The following PICALM variants were observed in gnomAD, a reference collection of about 807,000 sequenced individuals.
The protein encoded by PICALM is phosphatidylinositol binding clathrin assembly protein.
In PICALM, 40 loss-of-function variants were observed where a neutral mutation model predicts 80.5. The observed-to-expected ratio is 0.50, with a 90% CI of 0.39 to 0.65. PICALM has a LOEUF of 0.65. Ranked by LOEUF, PICALM falls within the 30% of genes least tolerant of loss-of-function variation. The probability of loss-of-function intolerance (pLI) is 0.00; values close to 1 mark genes in which losing one functional copy is unlikely to be tolerated. For synonymous variants in PICALM, 288 were observed against 260.3 expected, an observed-to-expected ratio of 1.11 and a Z score of -1.02; for missense variants, 676 against 778.9, an observed-to-expected ratio of 0.87 and a Z score of 1.57.
Position 85,983,909 on chromosome 11 carries a change from A to G in PICALM, c.1473T>C (p.Ser491=). The change falls in exon 14 of 20, where the codon TCT becomes TCC. Residue 491 remains serine, a synonymous_variant. Transcript: ENST00000393346. ...PSAGLNVDFE[S]VFGNKSTNVI... is the part of the protein sequence containing the mutation. Reference sequence around the variant, plus strand: ...CATTTGTAGATTTATTTCCAAACACAGATTCAAAGTCAACATTAAGGCCAG... The same window carrying G: ...CATTTGTAGATTTATTTCCAAACACGGATTCAAAGTCAACATTAAGGCCAG... 6.2e-7 allele frequency: 1 copy of G among 1,603,800 alleles called. No individual in the cohort carries two copies.
intron 18 of PICALM, among the ~76,000 whole-genome samples, chr11:85,976,240 G>A (rs1304902740): frequency 6.6e-6 from 1 of 152,086 alleles, no homozygotes; most frequent in Non-Finnish European, 1.5e-5. Context: ...GCCTTTATCA[G>A]ACTAAATTTA....
Position 86,011,089 on chromosome 11 carries a change from T to C in PICALM, c.706A>G (p.Ile236Val). 2 of 1,541,074 alleles carry C rather than the reference T, an allele frequency of 1.3e-6. No homozygotes were observed. Among genetic ancestry groups the C allele is most frequent in the Non-Finnish European group, 1.8e-6 (2 of 1,125,780 alleles). The change falls in exon 7 of 20, where the codon ATC (isoleucine) becomes GTC (valine). Residue 236 changes from isoleucine to valine, a missense_variant. This residue lies in a region of PICALM where 285 missense variants were observed against 395.4 expected (regional missense o/e 0.72). Transcript: ENST00000393346. ...KKNQCKEGLD[I>V]YKKFLTRMTR... ...ATCCTAGTTAGGAACTTCTTATAGA[T>C]GTCAAGACCTTCTTTGCATTGGTTC... is the stretch of plus-strand genomic sequence containing the variant.
chr11:86,007,485 A>G lies in PICALM; in HGVS notation c.807+57T>C, dbSNP rs1047843319. 2.4e-5 allele frequency: 23 copies of G among 962,976 alleles called. No homozygotes were observed. The African/African-American group carries it at 3.7e-4, about 16-fold the overall frequency. The allele number at this position is 962,976 out of a possible 1,614,324, so 59.7% of individuals were successfully genotyped here. A position where few individuals can be genotyped will look rare whatever the true frequency, so the allele number is the denominator to read the frequency against. ...GGGGCTATATGTTACTTATCTTAAT[A>G]CTCTTCACAACTTGTACACAACAGA... is the stretch of plus-strand genomic sequence containing the variant. On this transcript the variant is annotated intron_variant, in intron 8 of 19. Coordinates refer to ENST00000393346, the MANE Select transcript of PICALM (RefSeq NM_007166.4).
intron 1 of PICALM, among the ~76,000 whole-genome samples, chr11:86,046,099 C>T (rs756802414): frequency 6.6e-6 from 1 of 152,148 alleles, no homozygotes; most frequent in Non-Finnish European, 1.5e-5. Context: ...AATCTTCTGG[C>T]TCACATTTAT....
intron 13 of PICALM, among the ~76,000 whole-genome samples, chr11:85,988,470 A>T (rs1161938721): frequency 6.6e-6 from 1 of 152,220 alleles, no homozygotes; most frequent in Non-Finnish European, 1.5e-5. Context: ...AGATACTGTT[A>T]TCTAGCTCCA....
At chr11:85,983,788 A>G (rs550701215) in intron 14 of PICALM, 78 bp downstream of exon 14, 1 of 635,290 alleles carries the variant, frequency 1.6e-6, no homozygotes, top group South Asian at 2.3e-5. Context: ...TAAACATTTT[A>G]AAAGCAGCAT....
chr11:86,018,250 G>A (rs2095510633), intron 4 of PICALM, among the ~76,000 whole-genome samples: 1 of 152,014 alleles, frequency 6.6e-6, no homozygotes, highest in South Asian at 2.1e-4. Flanking sequence ...AACAAGTATG[G>A]CATTCAAAAG....
intron 1 of PICALM, among the ~76,000 whole-genome samples, chr11:86,063,377 GTA>G (rs10546552): frequency 0.72 from 109,321 of 151,892 alleles, 39,912 homozygotes; most frequent in African/African-American, 0.87. Context: ...AACACAAAAG[GTA>G]TATAGATGCC....
At chr11:85,966,332 A>G (rs1592319237) in intron 19 of PICALM, among the ~76,000 whole-genome samples, 1 of 152,236 alleles carries the variant, frequency 6.6e-6, no homozygotes, top group Non-Finnish European at 1.5e-5. Context: ...TTAGCCTCCA[A>G]AAGTGTTGAT....
At chr11:85,985,252 GA>G (rs1483031096) in intron 13 of PICALM, among the ~76,000 whole-genome samples, 61 of 152,214 alleles carry the variant, frequency 4.0e-4, no homozygotes, top group Non-Finnish European at 1.6e-4. Context: ...TGATCTCAAA[GA>G]AAACTGTAAA....
intron 5 of PICALM, among the ~76,000 whole-genome samples, chr11:86,013,974 T>C (rs2095440492): frequency 6.6e-6 from 1 of 152,308 alleles, no homozygotes; most frequent in Non-Finnish European, 1.5e-5. Context: ...TGTTACAAAA[T>C]ACCATTTAAT....
chr11:85,959,443 G>A (rs537926035), intron 19 of PICALM, among the ~76,000 whole-genome samples: 1 of 151,852 alleles, frequency 6.6e-6, no homozygotes, highest in African/African-American at 2.4e-5. Flanking sequence ...GACTGGCCTG[G>A]CCAATATGGT....
intron 17 of PICALM, chr11:85,978,134 C>A: frequency 6.4e-7 from 1 of 1,560,086 alleles, no homozygotes; most frequent in Non-Finnish European, 8.8e-7. Context: ...TGCAATAACA[C>A]TGGATTAGAA....
chr11:86,049,121 C>T (rs2096130997), intron 1 of PICALM, among the ~76,000 whole-genome samples: 1 of 151,986 alleles, frequency 6.6e-6, no homozygotes, highest in South Asian at 2.1e-4. Context: ...GGCAAAAGCC[C>T]GTCTCTACTA....
At chr11:85,980,586 C>T (rs1393615617) in intron 17 of PICALM, among the ~76,000 whole-genome samples, 1 of 152,058 alleles carries the variant, frequency 6.6e-6, no homozygotes, top group African/African-American at 2.4e-5. Flanking sequence ...TTGCCAAACA[C>T]ATTGTCATAT....
At chr11:86,053,255 C>G (rs1023427860) in intron 1 of PICALM, among the ~76,000 whole-genome samples, 1 of 152,214 alleles carries the variant, frequency 6.6e-6, no homozygotes, top group Admixed American at 6.5e-5. Context: ...CGAGTATATT[C>G]TTGTAACGAG....
chr11:86,040,003 CAAAAAAAAAAAA>C (rs752086947), intron 1 of PICALM, among the ~76,000 whole-genome samples: 2 of 53,384 alleles, frequency 3.7e-5, no homozygotes, highest in African/African-American at 7.9e-5. Context: ...GACGCCGTCT[CAAAAAAAAAAAA>C]AAAAAAAAAA....
rs182588671 is a variant in PICALM, at chr11:86,018,364, T to G, written c.453-3401A>C. ...ATGATGGAAGAATACAAATAACTATTTAAGCCAATAATTTAGTATAACTTT... is the reference window on the plus strand; with the variant it reads ...ATGATGGAAGAATACAAATAACTATGTAAGCCAATAATTTAGTATAACTTT... On this transcript the variant is annotated intron_variant, in intron 4 of 19. Transcript: ENST00000393346. 1.5e-4 allele frequency among the ~76,000 whole-genome samples: 23 copies of G among 152,262 alleles called. No homozygotes were observed. In the East Asian group the frequency reaches 4.0e-3, roughly 27 times the overall value.
chr11:85,968,394 G>C (rs1007702663), intron 19 of PICALM, among the ~76,000 whole-genome samples: 5 of 152,094 alleles, frequency 3.3e-5, no homozygotes, highest in African/African-American at 1.2e-4. Flanking sequence ...TATTGCTTCT[G>C]GGAAAATAGG....
Sources: allele counts gnomAD v4.1 joint callset (sites outside exome capture counted in the v4.1 genomes callset), GRCh38; gene constraint gnomAD v4.1.1; regional missense constraint gnomAD v4.1.1; transcripts MANE v1.5; gene names NCBI Gene and HGNC (gene_info 2026-07-23, HGNC 2026-07-21).